Variants in RNF43 observed in about 807,000 individuals in gnomAD.
RNF43 encodes the protein E3 ubiquitin-protein ligase RNF43.
In RNF43, 37 loss-of-function variants were observed where a neutral mutation model predicts 78.4. The ratio of observed to expected loss-of-function variants is 0.47; its 90% CI spans 0.36 to 0.62. The LOEUF (loss-of-function observed/expected upper bound fraction) is 0.62. RNF43 is among the 20% of genes least tolerant of loss of function. The pLI is 0.00. For synonymous variants in RNF43, 347 were observed against 395.0 expected, an observed-to-expected ratio of 0.88 and a Z score of 1.44; for missense variants, 774 against 1,007.9, an observed-to-expected ratio of 0.77 and a Z score of 3.14.
Position 58,358,131 on chromosome 17 carries a change from G to C in RNF43, c.1645C>G (p.His549Asp), listed in dbSNP as rs1428642923. 1 of 1,612,990 alleles carries C rather than the reference G, an allele frequency of 6.2e-7. No individual in the cohort carries two copies. Among genetic ancestry groups the C allele is most frequent in the Non-Finnish European group, 8.5e-7 (1 of 1,179,648 alleles). ...TGETQVSSHVHYHRHRHHHYK... is the reference protein window; with the variant it reads ...TGETQVSSHVDYHRHRHHHYK... ...TGGTGGTGCCGGTGGCGGTGGTAGT[G>C]GACATGGCTGGAAACCTGGGTTTCC... The change falls in exon 9 of 10, where the codon CAC becomes GAC. Residue 549 changes from histidine (H) to aspartate (D), a missense_variant. Physicochemically the swap from His to Asp is moderately conservative, Grantham distance 81. Coordinates refer to ENST00000407977, the MANE Select transcript of RNF43 (RefSeq NM_017763.6). The surrounding 1 kb of genome is among the most constrained non-coding windows in gnomAD (Gnocchi z 6.2).
chr17:58,408,011 G>T (rs1327738824), intron 2 of RNF43, among the ~76,000 whole-genome samples: 1 of 152,200 alleles, frequency 6.6e-6, no homozygotes. Context: ...GAAGATCTTT[G>T]TCAGACATCA....
Position 58,363,522 on chromosome 17 carries a change from G to A in RNF43, c.450+4C>T, listed in dbSNP as rs1473875860. 1 of 1,611,936 alleles carries A rather than the reference G, an allele frequency of 6.2e-7. No individual in the cohort carries two copies. ...ACCTTGAACACGCAAATGTCCCTGG[G>A]TACCTGCTCAGCAGCAGCTCGATCC... On this transcript the variant is annotated splice_donor_region_variant and intron_variant, in intron 4 of 9. Transcript: ENST00000407977.
At chr17:58,390,728 C>T (rs1233511566) in intron 2 of RNF43, among the ~76,000 whole-genome samples, 5 of 152,116 alleles carry the variant, frequency 3.3e-5, no homozygotes, top group African/African-American at 1.2e-4. Context: ...TTAATGATCC[C>T]GTTTACTAAG....
intron 1 of RNF43, chr17:58,416,515 G>A (rs930166008): frequency 1.3e-5 from 2 of 151,996 alleles, no homozygotes; most frequent in Non-Finnish European, 2.9e-5. Context: ...TCTCCAGCTC[G>A]GAAATGCCGA....
chr17:58,410,177 T>C (rs1973999000), intron 2 of RNF43, among the ~76,000 whole-genome samples: 1 of 152,204 alleles, frequency 6.6e-6, no homozygotes, highest in South Asian at 2.1e-4. Context: ...TACAGAACTG[T>C]GATATATATA....
intron 2 of RNF43, among the ~76,000 whole-genome samples, chr17:58,408,770 C>T (rs564489974): frequency 1.3e-5 from 2 of 152,258 alleles, no homozygotes; most frequent in South Asian, 2.1e-4. Flanking sequence ...AGAGTGATCT[C>T]CCAGCCATCA....
At chr17:58,390,043 C>T (rs1316955550) in intron 2 of RNF43, among the ~76,000 whole-genome samples, 2 of 152,142 alleles carry the variant, frequency 1.3e-5, no homozygotes, top group South Asian at 2.1e-4. Context: ...GAGCACATGA[C>T]GGGGTGCAGG....
Position 58,358,624 on chromosome 17 carries a change from G to T in RNF43, c.1152C>A (p.Gly384=). The change falls in exon 9 of 10, where the codon GGC becomes GGA. Residue 384 remains glycine, a synonymous_variant. Coordinates refer to ENST00000407977, the MANE Select transcript of RNF43 (RefSeq NM_017763.6). This position sits in a 1 kb window ranked among gnomAD's most constrained non-coding sequence, Gnocchi z 6.2. ...CTCTGGGGAAGCGGTGATGCCGAGG[G>T]CCCATGCCTGGCTCCTGGGATGGCA... The part of the protein sequence containing the change: ...PFLPSQEPGM[G]PRHHRFPRAA... 1 of 1,549,028 alleles carries T rather than the reference G, an allele frequency of 6.5e-7. No individual in the cohort carries two copies. The highest frequency in any genetic ancestry group is 8.7e-7 in the Non-Finnish European group (1 of 1,145,914).
chr17:58,352,552 GTTT>G (rs368279146), downstream of RNF43: 1 of 216,968 alleles, frequency 4.6e-6, no homozygotes, highest in Non-Finnish European at 9.2e-6. Flanking sequence ...CCCGAAGTTT[GTTT>G]TTTTTTGTTT....
intron 2 of RNF43, among the ~76,000 whole-genome samples, chr17:58,399,135 C>T (rs915236664): frequency 1.3e-5 from 2 of 152,102 alleles, no homozygotes; most frequent in African/African-American, 4.8e-5. Context: ...AGTTATAAGC[C>T]ATGTGTGTTT....
rs778187327 is a variant in RNF43, at chr17:58,358,341, C to T, written c.1435G>A (p.Val479Met). The change falls in exon 9 of 10, where the codon GTG (valine) becomes ATG (methionine). Residue 479 changes from valine to methionine, a missense_variant. By Grantham distance (21) the Val-to-Met change is conservative. Coordinates refer to ENST00000407977, the MANE Select transcript of RNF43 (RefSeq NM_017763.6). This position sits in a 1 kb window ranked among gnomAD's most constrained non-coding sequence, Gnocchi z 6.2. Reference protein sequence around the residue: ...GPCHGSSSDSVVNCTDISLQG... With the variant: ...GPCHGSSSDSMVNCTDISLQG... ...AGGCTGATGTCCGTGCAGTTGACCA[C>T]AGAGTCACTGGAAGAGCCATGACAG... 6.2e-7 allele frequency: 1 copy of T among 1,614,186 alleles called. No individual in the cohort carries two copies. The highest frequency in any genetic ancestry group is 1.1e-5 in the South Asian group (1 of 91,080).
At chr17:58,410,773 C>T (rs1476312446) in intron 2 of RNF43, among the ~76,000 whole-genome samples, 4 of 151,976 alleles carry the variant, frequency 2.6e-5, no homozygotes, top group African/African-American at 9.7e-5. Flanking sequence ...AAATGAAACA[C>T]AAAATGAGAG....
At position 58,360,989 on chromosome 17, in the gene RNF43, C is replaced by T. The variant is rs752700765; in HGVS notation, c.688-45G>A. 3 of 1,494,574 alleles carry T rather than the reference C, an allele frequency of 2.0e-6. No homozygotes were observed. The East Asian group carries it at 7.4e-5, about 37-fold the overall frequency. The allele number at this position is 1,494,574 out of a possible 1,614,324, so 92.6% of individuals were successfully genotyped here. ...TCAGATTGGGGCATGGGCTCCCCTT[C>T]CCTCCCTCTCTGGACCCAAGCTTGG... On this transcript the variant is annotated intron_variant, in intron 6 of 9. Transcript: ENST00000407977. The surrounding 1 kb of genome is among the most constrained non-coding windows in gnomAD (Gnocchi z 4.3).
chr17:58,411,818 G>C (rs907111809), intron 2 of RNF43, among the ~76,000 whole-genome samples: 4 of 152,112 alleles, frequency 2.6e-5, no homozygotes, highest in Admixed American at 6.5e-5. Context: ...TTTTAGAAGT[G>C]GTGGCAATAA....
intron 2 of RNF43, among the ~76,000 whole-genome samples, chr17:58,389,324 G>T (rs1489516968): frequency 6.6e-6 from 1 of 152,160 alleles, no homozygotes; most frequent in Non-Finnish European, 1.5e-5. Flanking sequence ...TTGGAAAAAA[G>T]ATGTTGCATT....
chr17:58,372,569 G>A (rs575345780), intron 2 of RNF43, among the ~76,000 whole-genome samples: 1 of 152,194 alleles, frequency 6.6e-6, no homozygotes, highest in Non-Finnish European at 1.5e-5. Flanking sequence ...AGCACGGAAG[G>A]CCCCCTTGGT....
At position 58,395,239 on chromosome 17, in the gene RNF43, C is replaced by T. The variant is rs553250429; in HGVS notation, c.252+20087G>A. Among the ~76,000 whole-genome samples the T allele has an allele frequency of 2.0e-5, 3 of 152,232 alleles. No individual in the cohort carries two copies. In the East Asian group the frequency reaches 5.8e-4, roughly 29 times the overall value. On this transcript the variant is annotated intron_variant, in intron 2 of 9. Transcript: ENST00000407977. ...TATAAGGCAATGACTTTGAGACAGC[C>T]AAATAGTCTGTCATAGCATGTCTTA... is the stretch of plus-strand genomic sequence containing the variant.
Position 58,358,742 on chromosome 17 carries a change from T to C in RNF43, c.1034A>G (p.His345Arg). 6.4e-7 allele frequency: 1 copy of C among 1,561,004 alleles called. No homozygotes were observed. Among genetic ancestry groups the C allele is most frequent in the Non-Finnish European group, 8.7e-7 (1 of 1,151,008 alleles). ...PGRRLHLIRQ[H>R]PGHAHYHLPA... ...GAGGTGGTAGTGGGCATGGCCGGGA[T>C]GCTGGCGAATGAGGTGGAGTCTTCG... Residue 345 changes from histidine (H) to arginine (R), a missense_variant, in exon 9 of 10, where the codon CAT (histidine) becomes CGT (arginine). Coordinates refer to ENST00000407977, the MANE Select transcript of RNF43 (RefSeq NM_017763.6). This position sits in a 1 kb window ranked among gnomAD's most constrained non-coding sequence, Gnocchi z 6.2.
At position 58,357,748 on chromosome 17, in the gene RNF43, T is replaced by C. The variant is rs1212607323; in HGVS notation, c.2028A>G (p.Pro676=). 6.2e-7 allele frequency: 1 copy of C among 1,612,886 alleles called. No homozygotes were observed. Among genetic ancestry groups the C allele is most frequent in the Non-Finnish European group, 8.5e-7 (1 of 1,179,438 alleles). ...GSRPQDATVH[P]ACQIFPHYTP... ...TGTAATGGGGAAAAATCTGGCAAGC[T>C]GGGTGCACAGTTGCATCCTGGGGCC... The change falls in exon 9 of 10, where the codon CCA becomes CCG. Residue 676 remains proline, a synonymous_variant. Coordinates refer to ENST00000407977, the MANE Select transcript of RNF43 (RefSeq NM_017763.6). This position sits in a 1 kb window ranked among gnomAD's most constrained non-coding sequence, Gnocchi z 4.5.
Sources: allele counts gnomAD v4.1 joint callset (sites outside exome capture counted in the v4.1 genomes callset), GRCh38; gene constraint gnomAD v4.1.1; non-coding constraint Gnocchi (gnomAD v3.1); transcripts MANE v1.5; gene names NCBI Gene and HGNC (gene_info 2026-07-23, HGNC 2026-07-21).